Variants in KALRN observed in about 807,000 individuals in gnomAD.
The protein encoded by KALRN is kalirin.
KALRN carries 70 observed loss-of-function variants against 353.7 expected under a neutral mutation model. The observed-to-expected ratio is 0.20, with a 90% CI of 0.16 to 0.24. KALRN has a LOEUF of 0.24. Ranked by LOEUF, KALRN falls within the 10% of genes least tolerant of loss-of-function variation. The probability of loss-of-function intolerance (pLI) is 1.00; values close to 1 mark genes in which losing one functional copy is unlikely to be tolerated. For missense variants in KALRN, 2,791 were observed against 3,756.7 expected (o/e 0.74, Z 6.72); for synonymous variants, 1,391 against 1,434.8 (o/e 0.97, Z 0.69).
rs397990993 is a variant in KALRN at position 124,294,520 on chromosome 3, C to CTTTTTTTTTTTTTTTTT, written c.970-4265_970-4249dup. Among the ~76,000 whole-genome samples, 15 of 73,894 alleles carry CTTTTTTTTTTTTTTTTT rather than the reference C, an allele frequency of 2.0e-4. 3 individuals are homozygous for CTTTTTTTTTTTTTTTTT. In the East Asian group the frequency reaches 3.0e-3, roughly 15 times the overall value. The allele number at this position is 73,894 out of a possible 152,430, so 48.5% of individuals were successfully genotyped here. On this transcript the variant is annotated intron_variant, in intron 5 of 59. Coordinates refer to ENST00000682506, the MANE Select transcript of KALRN (RefSeq NM_001388419.1). The stretch of plus-strand genomic sequence containing the variant: ...GGGCTGAGACTAAGAAGATTCTCTT[C>CTTTTTTTTTTTTTTTTT]TTTTTTTTTTTTTTTTTTTTTTGAG...
intron 1 of KALRN, among the ~76,000 whole-genome samples, chr3:124,037,926 G>A (rs542393055): frequency 4.0e-4 from 61 of 152,248 alleles, no homozygotes; most frequent in African/African-American, 1.5e-3. Context: ...AGCATGGGGG[G>A]GGCGACTCAG....
At chr3:124,304,133 CA>C (rs2149253971) in intron 6 of KALRN, among the ~76,000 whole-genome samples, 2 of 147,544 alleles carry the variant, frequency 1.4e-5, no homozygotes, top group African/African-American at 4.9e-5. Context: ...TGTAAACACA[CA>C]CACACACACA....
chr3:124,353,250 G>A (rs1275602721), intron 10 of KALRN, among the ~76,000 whole-genome samples: 2 of 152,080 alleles, frequency 1.3e-5, no homozygotes, highest in East Asian at 1.9e-4. Context: ...CTTGCCCACC[G>A]AAGATACTCT....
chr3:124,529,038 G>A (rs961223191), intron 33 of KALRN, among the ~76,000 whole-genome samples: 5 of 152,158 alleles, frequency 3.3e-5, no homozygotes, highest in East Asian at 3.9e-4. Context: ...TTATATGTAC[G>A]TGTAGATCAT....
intron 1 of KALRN, chr3:124,163,234 G>A (rs2070286542): frequency 6.6e-6 from 1 of 152,244 alleles, no homozygotes; most frequent in Non-Finnish European, 1.5e-5. Context: ...TGGAGAGTGA[G>A]TATGTTGAAC....
At chr3:124,412,352 T>G (rs913555389) in intron 13 of KALRN, among the ~76,000 whole-genome samples, 4 of 152,204 alleles carry the variant, frequency 2.6e-5, no homozygotes, top group African/African-American at 9.7e-5. Flanking sequence ...TTAGATGGCC[T>G]GGGCCATCCT....
At chr3:124,520,329 T>C (rs987114642) in intron 33 of KALRN, among the ~76,000 whole-genome samples, 2 of 152,200 alleles carry the variant, frequency 1.3e-5, no homozygotes, top group Non-Finnish European at 2.9e-5. Context: ...AACCTTTTGA[T>C]ATCAAGCTAT....
rs537142542 is a variant in KALRN, at chr3:124,702,038, A to G, written c.7997A>G (p.Asp2666Gly). Reference protein sequence around the residue: ...PSEFVRLPEYDAAADGATISW... With the variant: ...PSEFVRLPEYGAAADGATISW... ...TAAATGGATTCTCTTTCTTCCGAAG[A>G]TGCTGCTGCTGATGGTGCCACCATT... Residue 2666 changes from aspartate (D) to glycine (G), a missense_variant and splice_region_variant, in exon 57 of 60, where the codon GAT becomes GGT. Around this residue, in one of 11 missense-constraint regions of KALRN, gnomAD observed 188 missense variants for 402.9 expected, o/e 0.47. Transcript: ENST00000682506. The G allele has an allele frequency of 1.5e-5, 24 of 1,612,596 alleles. 1 individual carries two copies. The South Asian group carries it at 2.5e-4, about 17-fold the overall frequency.
intron 1 of KALRN, among the ~76,000 whole-genome samples, chr3:124,110,685 C>T (rs2062877557): frequency 6.6e-6 from 1 of 152,182 alleles, no homozygotes; most frequent in African/African-American, 2.4e-5. Flanking sequence ...GGGATACCAC[C>T]AGTCCAGTTC....
intron 33 of KALRN, among the ~76,000 whole-genome samples, chr3:124,515,511 A>G (rs1194463124): frequency 1.3e-5 from 2 of 152,360 alleles, no homozygotes; most frequent in East Asian, 1.9e-4. Flanking sequence ...AGTGATTGGC[A>G]TAAAGAAAAG....
chr3:124,044,231 TCA>T (rs1215615818), intron 1 of KALRN, among the ~76,000 whole-genome samples: 2 of 152,166 alleles, frequency 1.3e-5, no homozygotes, highest in African/African-American at 4.8e-5. Flanking sequence ...CTCAGTGGTC[TCA>T]CACGACCCTC....
chr3:124,046,344 T>G (rs946222855), intron 1 of KALRN, among the ~76,000 whole-genome samples: 7 of 152,186 alleles, frequency 4.6e-5, no homozygotes, highest in Non-Finnish European at 1.0e-4. Context: ...GAATGGATGG[T>G]CACCTTTTCT....
Position 124,455,163 on chromosome 3 carries a change from A to G in KALRN, c.3553-14A>G, listed in dbSNP as rs201840048. On this transcript the variant is annotated splice_polypyrimidine_tract_variant and intron_variant, in intron 21 of 59. Transcript: ENST00000682506. ...AAATGTAATCCAGTAACTTAAGGCC[A>G]TCTTTTGGGGCAGCAAACAAAGGAG... is the stretch of plus-strand genomic sequence containing the variant. The G allele has an allele frequency of 1.4e-4, 234 of 1,613,810 alleles. No individual in the cohort carries two copies. Among genetic ancestry groups the G allele is most frequent in the Non-Finnish European group, 1.9e-4 (222 of 1,179,874 alleles).
intron 33 of KALRN, among the ~76,000 whole-genome samples, chr3:124,534,256 T>G (rs1386263944): frequency 6.6e-6 from 1 of 152,146 alleles, no homozygotes; most frequent in Non-Finnish European, 1.5e-5. Context: ...GAACTTTAGT[T>G]AAAATTGGTT....
At chr3:124,302,121 C>G (rs1293567501) in intron 6 of KALRN, among the ~76,000 whole-genome samples, 1 of 152,154 alleles carries the variant, frequency 6.6e-6, no homozygotes, top group East Asian at 1.9e-4. Context: ...ACTTAAGGTT[C>G]TAAGAACCTT....
chr3:124,513,932 G>A (rs770300564), intron 33 of KALRN, among the ~76,000 whole-genome samples: 9 of 152,162 alleles, frequency 5.9e-5, no homozygotes, highest in Non-Finnish European at 1.3e-4. Context: ...GAGCCCTGGG[G>A]TCAACATGAG....
chr3:124,127,503 C>G (rs2064824534), intron 1 of KALRN, among the ~76,000 whole-genome samples: 1 of 152,178 alleles, frequency 6.6e-6, no homozygotes. Context: ...TTCAGGAAGT[C>G]TGCTTTGCTT....
chr3:124,471,966 C>CAAAAAAA (rs34537933), intron 25 of KALRN, among the ~76,000 whole-genome samples: 1 of 110,838 alleles, frequency 9.0e-6, no homozygotes, highest in South Asian at 2.9e-4. Context: ...GACTCCGTCT[C>CAAAAAAA]AAAAAAAAAA....
At chr3:124,534,748 T>C (rs1004639747) in intron 33 of KALRN, among the ~76,000 whole-genome samples, 7 of 151,618 alleles carry the variant, frequency 4.6e-5, no homozygotes, top group African/African-American at 7.3e-5. Flanking sequence ...CTAAGCAAGA[T>C]AGAGAAGTAA....
Sources: allele counts gnomAD v4.1 joint callset (sites outside exome capture counted in the v4.1 genomes callset), GRCh38; gene constraint gnomAD v4.1.1; regional missense constraint gnomAD v4.1.1; transcripts MANE v1.5; gene names NCBI Gene and HGNC (gene_info 2026-07-23, HGNC 2026-07-21).